Variants in LRRC7 observed in about 807,000 individuals in gnomAD.
LRRC7 encodes leucine rich repeat containing 7.
Under a neutral mutation model 175.7 loss-of-function variants are expected in LRRC7, and 23 were observed. The ratio of observed to expected loss-of-function variants is 0.13; its 90% CI spans 0.09 to 0.19. The LOEUF (loss-of-function observed/expected upper bound fraction) is 0.19, where lower values mean the gene tolerates loss of function less well. LRRC7 is among the 10% of genes least tolerant of loss of function. LRRC7 has a pLI of 1.00. For synonymous variants in LRRC7, 685 were observed against 680.9 expected (o/e 1.01, Z -0.09); for missense variants, 1,354 against 1,904.7 (o/e 0.71, Z 5.38).
intron 2 of LRRC7, among the ~76,000 whole-genome samples, chr1:69,758,624 C>T (rs1319670655): frequency 6.6e-6 from 1 of 151,854 alleles, no homozygotes; most frequent in Non-Finnish European, 1.5e-5. Flanking sequence ...AACGTAATAC[C>T]CAACAGGTAG....
intron 3 of LRRC7, among the ~76,000 whole-genome samples, chr1:69,776,513 T>G (rs925604314): frequency 5.3e-5 from 8 of 152,214 alleles, no homozygotes; most frequent in Non-Finnish European, 8.8e-5. Context: ...CCTAGAGATA[T>G]GTATCCCTTC....
chr1:69,723,011 T>C (rs1666538002), intron 2 of LRRC7, among the ~76,000 whole-genome samples: 1 of 152,134 alleles, frequency 6.6e-6, no homozygotes, highest in African/African-American at 2.4e-5. Flanking sequence ...GTTTTTACCA[T>C]CATTTTTAAA....
At position 69,837,932 on chromosome 1, in the gene LRRC7, T is replaced by G. The variant is rs1456432549; in HGVS notation, c.591-295T>G. Among the ~76,000 whole-genome samples the G allele has an allele frequency of 2.0e-5, 3 of 151,702 alleles. No homozygotes were observed. The South Asian group carries it at 6.2e-4, about 31-fold the overall frequency. On this transcript the variant is annotated intron_variant, in intron 6 of 26. Transcript: ENST00000651989. ...ACCATAGTAAAATTTATTTTTATTT[T>G]AATTTTTAATTATTATGGGTACATA...
chr1:69,854,778 C>G (rs986099164), intron 7 of LRRC7, among the ~76,000 whole-genome samples: 2 of 151,842 alleles, frequency 1.3e-5, no homozygotes, highest in Non-Finnish European at 2.9e-5. Context: ...TAAAAATATG[C>G]CAGCATTTTT....
intron 4 of LRRC7, among the ~76,000 whole-genome samples, chr1:69,806,991 G>A (rs1677193197): frequency 6.6e-6 from 1 of 152,044 alleles, no homozygotes. Flanking sequence ...TGTATTGGGT[G>A]CATATGTATT....
At chr1:70,028,591 A>T (rs1230277022) in intron 18 of LRRC7, among the ~76,000 whole-genome samples, 1 of 152,152 alleles carries the variant, frequency 6.6e-6, no homozygotes, top group African/African-American at 2.4e-5. Context: ...AAGTTCCAAT[A>T]CACACAGAAT....
At position 70,125,093 on chromosome 1, in the gene LRRC7, T is replaced by C. The variant is rs1290540688; in HGVS notation, c.*3206T>C. 6.6e-6 allele frequency among the ~76,000 whole-genome samples: 1 copy of C among 152,222 alleles called. No individual in the cohort carries two copies. Reference sequence around the variant, plus strand: ...GACAACACAGTAACCTAAACATACATAGTAACTCCAAAGTATAAGTGCATT... The same window carrying C: ...GACAACACAGTAACCTAAACATACACAGTAACTCCAAAGTATAAGTGCATT... On this transcript the variant is annotated 3_prime_UTR_variant, in exon 27 of 27. Transcript: ENST00000651989.
chr1:70,032,360 C>T (rs1295559303), intron 18 of LRRC7, among the ~76,000 whole-genome samples: 1 of 151,684 alleles, frequency 6.6e-6, no homozygotes, highest in Non-Finnish European at 1.5e-5. Flanking sequence ...CAAGTCAAGT[C>T]TCTAAAACCT....
At chr1:69,770,885 G>A (rs768944948) in intron 3 of LRRC7, among the ~76,000 whole-genome samples, 11 of 152,110 alleles carry the variant, frequency 7.2e-5, no homozygotes, top group Non-Finnish European at 1.5e-4. Flanking sequence ...CAATGATTTT[G>A]TGCATGATTC....
chr1:69,974,368 A>T (rs1223390252), intron 8 of LRRC7, among the ~76,000 whole-genome samples: 1 of 152,194 alleles, frequency 6.6e-6, no homozygotes, highest in Non-Finnish European at 1.5e-5. Flanking sequence ...GCTTAGAAGT[A>T]GATAAGAAAG....
chr1:69,819,552 A>C, intron 4 of LRRC7, among the ~76,000 whole-genome samples: 1 of 126,034 alleles, frequency 7.9e-6, no homozygotes, highest in East Asian at 2.6e-4. Context: ...GTTGAATGGA[A>C]TGCTCTCTCT....
At chr1:70,061,966 C>G (rs1403935107) in intron 23 of LRRC7, among the ~76,000 whole-genome samples, 2 of 152,144 alleles carry the variant, frequency 1.3e-5, no homozygotes, top group African/African-American at 4.8e-5. Context: ...CACAAACATC[C>G]TCCAAGTTAG....
chr1:70,096,108 G>A (rs1664371975), intron 25 of LRRC7, among the ~76,000 whole-genome samples: 1 of 152,028 alleles, frequency 6.6e-6, no homozygotes, highest in Non-Finnish European at 1.5e-5. Context: ...CTCCCGAGTA[G>A]CTGGGACTAC....
At chr1:70,061,317 T>G (rs1375325330) in intron 23 of LRRC7, among the ~76,000 whole-genome samples, 1 of 152,128 alleles carries the variant, frequency 6.6e-6, no homozygotes, top group Non-Finnish European at 1.5e-5. Context: ...AAAGGGATCT[T>G]TTGAGTCATT....
intron 4 of LRRC7, among the ~76,000 whole-genome samples, chr1:69,815,158 T>C (rs1194363341): frequency 6.6e-6 from 1 of 152,166 alleles, no homozygotes; most frequent in Admixed American, 6.5e-5. Flanking sequence ...CCACCATCAT[T>C]CTGGGGATTC....
intron 8 of LRRC7, among the ~76,000 whole-genome samples, chr1:69,965,906 T>G (rs1233099412): frequency 6.6e-6 from 1 of 152,134 alleles, no homozygotes; most frequent in Non-Finnish European, 1.5e-5. Flanking sequence ...GAATAAAAGA[T>G]TTCCCACTTG....
At position 70,141,841 on chromosome 1, in the gene LRRC7, G is replaced by A. The variant is rs1173335873; in HGVS notation, c.*19954G>A. ...TATGTATAGGCACACATAAATAGGAGGTGTTTTTCTTTGCACATTTGTTTT... is the reference window on the plus strand; with the variant it reads ...TATGTATAGGCACACATAAATAGGAAGTGTTTTTCTTTGCACATTTGTTTT... On this transcript the variant is annotated 3_prime_UTR_variant, in exon 27 of 27. Coordinates refer to ENST00000651989, the MANE Select transcript of LRRC7 (RefSeq NM_001370785.2). 1 of 152,060 alleles carries A rather than the reference G, an allele frequency of 6.6e-6. No individual in the cohort carries two copies. The highest frequency in any genetic ancestry group is 2.4e-5 in the African/African-American group (1 of 41,410). The allele number at this position is 152,060 out of a possible 1,614,324, so 9.4% of individuals were successfully genotyped here. A position where few individuals can be genotyped will look rare whatever the true frequency, so the allele number is the denominator to read the frequency against.
intron 3 of LRRC7, among the ~76,000 whole-genome samples, chr1:69,773,326 A>G (rs567339703): frequency 6.6e-6 from 1 of 152,296 alleles, no homozygotes; most frequent in South Asian, 2.1e-4. Flanking sequence ...TGAAAGAGAA[A>G]GAAGAAAATA....
At chr1:69,576,126 G>A (rs1385428592) in intron 1 of LRRC7, among the ~76,000 whole-genome samples, 1 of 150,884 alleles carries the variant, frequency 6.6e-6, no homozygotes, top group Non-Finnish European at 1.5e-5. Context: ...CACCTACTCA[G>A]GAGGCTGAGG....
Sources: gnomAD v4.1 joint callset for allele counts (sites outside exome capture counted in the v4.1 genomes callset) on GRCh38, gnomAD v4.1.1 for gene constraint, MANE v1.5 for transcripts, NCBI Gene and HGNC (gene_info 2026-07-23, HGNC 2026-07-21) for gene names.